Variants in KCNQ5 observed in about 807,000 individuals in gnomAD.
KCNQ5 encodes potassium voltage-gated channel subfamily Q member 5, also known as potassium voltage-gated channel subfamily KQT member 5.
In KCNQ5, 30 loss-of-function variants were observed where a neutral mutation model predicts 98.2. That is an observed-to-expected ratio of 0.31 (90% confidence interval 0.23 to 0.41). KCNQ5 has a LOEUF of 0.41. Ranked by LOEUF, KCNQ5 falls within the 10% of genes least tolerant of loss-of-function variation. The probability of loss-of-function intolerance (pLI) is 1.00; values close to 1 mark genes in which losing one functional copy is unlikely to be tolerated. For synonymous variants in KCNQ5, 458 were observed against 449.4 expected, an observed-to-expected ratio of 1.02 and a Z score of -0.24; for missense variants, 835 against 1,182.5, an observed-to-expected ratio of 0.71 and a Z score of 4.31.
chr6:72,700,971 T>A (rs1768777231), intron 1 of KCNQ5, among the ~76,000 whole-genome samples: 1 of 152,226 alleles, frequency 6.6e-6, no homozygotes, highest in South Asian at 2.1e-4. Flanking sequence ...CACATAGTTT[T>A]CACTCTTCTG....
chr6:72,972,432 G>A (rs1301269704), intron 1 of KCNQ5, among the ~76,000 whole-genome samples: 1 of 151,814 alleles, frequency 6.6e-6, no homozygotes, highest in Non-Finnish European at 1.5e-5. Flanking sequence ...TGTTACATAG[G>A]TATATGTGTG....
In KCNQ5 at chr6:73,194,687, T is replaced by C. The variant is rs1765717130; in HGVS notation, c.2072T>C (p.Ile691Thr). The change falls in exon 14 of 14, where the codon ATT (isoleucine) becomes ACT (threonine). Residue 691 changes from isoleucine (I) to threonine (T), a missense_variant. Physicochemically the swap from Ile to Thr is moderately conservative, Grantham distance 89. Transcript: ENST00000370398. The part of the protein sequence containing the change: ...SANISRGLQF[I>T]LTPNEFSAQT... ...AACATCTCGAGAGGCCTGCAGTTCA[T>C]TCTGACGCCAAATGAGTTCAGTGCC... 1 of 1,614,264 alleles carries C rather than the reference T, an allele frequency of 6.2e-7. No homozygotes were observed. Among genetic ancestry groups the C allele is most frequent in the East Asian group, 2.2e-5 (1 of 44,888 alleles).
rs934212449 is a variant in KCNQ5 at position 72,817,316 on chromosome 6, T to C, written c.399-186592T>C. ...TTATCCTAGTTCAACAATGATTCAA[T>C]TCATATGAGAAAACTGAGCATGATT... On this transcript the variant is annotated intron_variant, in intron 1 of 13. Coordinates refer to ENST00000370398, the MANE Select transcript of KCNQ5 (RefSeq NM_019842.4). Among the ~76,000 whole-genome samples the C allele has an allele frequency of 3.3e-5, 5 of 152,316 alleles. No individual in the cohort carries two copies. In the South Asian group the frequency reaches 8.3e-4, roughly 25 times the overall value.
chr6:72,767,930 G>A (rs1205843079), intron 1 of KCNQ5, among the ~76,000 whole-genome samples: 2 of 151,926 alleles, frequency 1.3e-5, no homozygotes, highest in African/African-American at 2.4e-5. Context: ...CAAACAGACT[G>A]GCAGCTTCTC....
At chr6:73,021,606 A>G (rs566415569) in intron 2 of KCNQ5, among the ~76,000 whole-genome samples, 1 of 152,160 alleles carries the variant, frequency 6.6e-6, no homozygotes, top group Admixed American at 6.5e-5. Context: ...CAGTGCCTGG[A>G]GCAAAAGAGA....
At chr6:72,660,355 G>C (rs1243844510) in intron 1 of KCNQ5, among the ~76,000 whole-genome samples, 1 of 152,120 alleles carries the variant, frequency 6.6e-6, no homozygotes, top group East Asian at 1.9e-4. Context: ...CTAGAGCGCG[G>C]ACATGAAAAA....
At chr6:73,085,776 G>T (rs186831646) in intron 5 of KCNQ5, among the ~76,000 whole-genome samples, 14 of 152,282 alleles carry the variant, frequency 9.2e-5, no homozygotes, top group African/African-American at 3.4e-4. Flanking sequence ...ATTGTCACTT[G>T]GCTGTGTCCC....
At chr6:73,129,913 C>T (rs989942851) in intron 9 of KCNQ5, 1 of 1,293,264 alleles carries the variant, frequency 7.7e-7, no homozygotes, top group Non-Finnish European at 1.1e-6. Flanking sequence ...GGTGCATGAC[C>T]AGGTTACACC....
chr6:72,763,963 T>A (rs73756512), intron 1 of KCNQ5, among the ~76,000 whole-genome samples: 1 of 151,948 alleles, frequency 6.6e-6, no homozygotes, highest in African/African-American at 2.4e-5. Context: ...AAAACAACTT[T>A]TTTTGATCAG....
intron 1 of KCNQ5, among the ~76,000 whole-genome samples, chr6:72,727,672 T>C (rs905577191): frequency 1.3e-5 from 2 of 152,198 alleles, no homozygotes; most frequent in African/African-American, 2.4e-5. Flanking sequence ...GCCACAATAA[T>C]ACTGCATAAT....
At chr6:72,899,676 A>C (rs1391564934) in intron 1 of KCNQ5, among the ~76,000 whole-genome samples, 4 of 151,996 alleles carry the variant, frequency 2.6e-5, no homozygotes, top group African/African-American at 7.3e-5. Flanking sequence ...CATAGATTAT[A>C]GGGGTACAGG....
chr6:72,743,770 T>C (rs1472695572), intron 1 of KCNQ5, among the ~76,000 whole-genome samples: 1 of 152,246 alleles, frequency 6.6e-6, no homozygotes, highest in Non-Finnish European at 1.5e-5. Flanking sequence ...CTCTAATCTG[T>C]ACCTTGCCTG....
At chr6:72,817,753 G>C (rs1775566474) in intron 1 of KCNQ5, among the ~76,000 whole-genome samples, 1 of 152,102 alleles carries the variant, frequency 6.6e-6, no homozygotes, top group African/African-American at 2.4e-5. Flanking sequence ...AATTAGGTGG[G>C]CGTGGTGGCG....
At chr6:72,825,400 T>G (rs914853322) in intron 1 of KCNQ5, among the ~76,000 whole-genome samples, 2 of 152,158 alleles carry the variant, frequency 1.3e-5, no homozygotes, top group Non-Finnish European at 2.9e-5. Context: ...AGTAAGTATT[T>G]TTGTTTGTTT....
intron 1 of KCNQ5, among the ~76,000 whole-genome samples, chr6:72,982,334 G>A (rs532039388): frequency 6.0e-4 from 92 of 152,154 alleles, no homozygotes; most frequent in African/African-American, 1.8e-3. Context: ...GAATCTGGGT[G>A]CTCCTGTATT....
intron 10 of KCNQ5, among the ~76,000 whole-genome samples, chr6:73,161,667 G>A (rs1777619227): frequency 6.6e-6 from 1 of 152,062 alleles, no homozygotes; most frequent in Non-Finnish European, 1.5e-5. Flanking sequence ...GTAAAAGAAG[G>A]TGACTAAGAA....
intron 2 of KCNQ5, among the ~76,000 whole-genome samples, chr6:73,018,010 A>C (rs1379943572): frequency 6.6e-6 from 1 of 152,122 alleles, no homozygotes; most frequent in East Asian, 1.9e-4. Flanking sequence ...TTATTTTTTA[A>C]ATCAGGTGAA....
At chr6:73,007,521 A>G (rs1769868664) in intron 2 of KCNQ5, among the ~76,000 whole-genome samples, 1 of 152,114 alleles carries the variant, frequency 6.6e-6, no homozygotes, top group Non-Finnish European at 1.5e-5. Context: ...AATGGATGGA[A>G]CTCTGGAATC....
At chr6:72,774,682 A>G (rs1239583478) in intron 1 of KCNQ5, among the ~76,000 whole-genome samples, 1 of 152,104 alleles carries the variant, frequency 6.6e-6, no homozygotes, top group Non-Finnish European at 1.5e-5. Flanking sequence ...ACAATAGGAA[A>G]TTATGAAAGT....
Sources: allele counts gnomAD v4.1 joint callset (sites outside exome capture counted in the v4.1 genomes callset), GRCh38; gene constraint gnomAD v4.1.1; transcripts MANE v1.5; gene names NCBI Gene and HGNC (gene_info 2026-07-23, HGNC 2026-07-21).